MSANTD3: variants seen among roughly 807,000 people sequenced by gnomAD.
The protein encoded by MSANTD3 is myb/SANT-like DNA-binding domain-containing protein 3.
MSANTD3 carries 11 observed loss-of-function variants against 27.7 expected under a neutral mutation model. The ratio of observed to expected loss-of-function variants is 0.40; its 90% CI spans 0.25 to 0.66. The LOEUF is 0.66. Among genes scored for constraint, MSANTD3 ranks in the 30% least tolerant of loss-of-function variants. MSANTD3 has a pLI of 0.41. For missense variants in MSANTD3, 250 were observed against 336.5 expected (o/e 0.74, Z 2.01); for synonymous variants, 131 against 127.2 (o/e 1.03, Z -0.20).
Position 100,450,983 on chromosome 9 carries a change from C to G in MSANTD3, c.*17C>G, listed in dbSNP as rs200196899. On this transcript the variant is annotated 3_prime_UTR_variant, in exon 3 of 3. Transcript: ENST00000395067. ...TCGCCCTAAGACTTTGGGGGTGGCT[C>G]TCTTGTAATTAATCTGTGTTGGCAA... 3.2e-6 allele frequency: 5 copies of G among 1,549,674 alleles called. No individual in the cohort carries two copies. Among genetic ancestry groups the G allele is most frequent in the Non-Finnish European group, 4.3e-6 (5 of 1,154,082 alleles).
rs1300775531 is a variant in MSANTD3, at chr9:100,427,273, C to T, written c.-154C>T. ...GCGCGCCGCCGCCGCCGCCGCCGCC[C>T]GGCGTTCGGGAGCCCGCGGCCCTCC... is the stretch of plus-strand genomic sequence containing the variant. On this transcript the variant is annotated 5_prime_UTR_variant, in exon 1 of 3. Coordinates refer to ENST00000395067, the MANE Select transcript of MSANTD3 (RefSeq NM_080655.3). 4.1e-5 allele frequency: 6 copies of T among 145,494 alleles called. No individual in the cohort carries two copies. Among genetic ancestry groups the T allele is most frequent in the African/African-American group, 1.5e-4 (6 of 40,592 alleles). The allele number at this position is 145,494 out of a possible 1,614,324, so 9.0% of individuals were successfully genotyped here.
intron 1 of MSANTD3, among the ~76,000 whole-genome samples, chr9:100,441,093 G>A (rs544503862): frequency 3.3e-5 from 5 of 150,920 alleles, no homozygotes; most frequent in South Asian, 2.1e-4. Context: ...ACGCCACCAC[G>A]CCCAGCTAAT....
rs61050375 is a variant in MSANTD3 at position 100,428,392 on chromosome 9, CAT to C, written c.-34+1001_-34+1002del. On this transcript the variant is annotated intron_variant, in intron 1 of 2. Coordinates refer to ENST00000395067, the MANE Select transcript of MSANTD3 (RefSeq NM_080655.3). ...AAATTGCTGAATATTAATTAAAAAA[CAT>C]AGTTTCTGAGTTAGGATTGAGGATG... Among the ~76,000 whole-genome samples, 994 of 152,216 alleles carry C rather than the reference CAT, an allele frequency of 6.5e-3. 9 individuals are homozygous for C. The highest frequency in any genetic ancestry group is 0.023 in the African/African-American group (957 of 41,520).
chr9:100,442,237 T>A lies in MSANTD3; in HGVS notation c.299T>A (p.Leu100His), dbSNP rs756424124. Residue 100 changes from leucine to histidine, a missense_variant, in exon 2 of 3, where the codon CTC (leucine) becomes CAC (histidine). Transcript: ENST00000395067. Reference sequence around the variant, plus strand: ...AAAGTGAAACGGAGCGTCAGCCCTCTCCTGAGTACCCACGTCCTAGGGAAG... The same window carrying A: ...AAAGTGAAACGGAGCGTCAGCCCTCACCTGAGTACCCACGTCCTAGGGAAG... Reference protein sequence around the residue: ...REKVKRSVSPLLSTHVLGKEK... With the variant: ...REKVKRSVSPHLSTHVLGKEK... The A allele has an allele frequency of 1.2e-6, 2 of 1,614,000 alleles. No homozygotes were observed. The highest frequency in any genetic ancestry group is 1.7e-6 in the Non-Finnish European group (2 of 1,180,042).
intron 2 of MSANTD3, chr9:100,444,937 G>A (rs1197629794): frequency 2.3e-6 from 1 of 433,036 alleles, no homozygotes; most frequent in Non-Finnish European, 4.1e-6. Context: ...TTGGATGTTT[G>A]TACATAGATG....
At chr9:100,448,390 CA>C (rs897791009) in intron 2 of MSANTD3, 11 of 984,974 alleles carry the variant, frequency 1.1e-5, no homozygotes, top group Non-Finnish European at 1.2e-5. Flanking sequence ...TTTTCAGATC[CA>C]AAACTAGAAA....
At chr9:100,433,984 T>C (rs979223134) in intron 1 of MSANTD3, among the ~76,000 whole-genome samples, 1 of 152,200 alleles carries the variant, frequency 6.6e-6, no homozygotes, top group African/African-American at 2.4e-5. Flanking sequence ...TAGGCTCATC[T>C]CTGTCACTGT....
chr9:100,443,922 A>G (rs1836691853), intron 2 of MSANTD3, among the ~76,000 whole-genome samples: 1 of 152,242 alleles, frequency 6.6e-6, no homozygotes, highest in Non-Finnish European at 1.5e-5. Flanking sequence ...CTTCCCCAGG[A>G]AAATCTGGTT....
At chr9:100,448,230 A>G (rs1219944047) in intron 2 of MSANTD3, 1 of 983,926 alleles carries the variant, frequency 1.0e-6, no homozygotes, top group Non-Finnish European at 1.2e-6. Flanking sequence ...AGAAGAAATT[A>G]AAGAAATTGG....
At chr9:100,430,438 A>G (rs537530314) in intron 1 of MSANTD3, among the ~76,000 whole-genome samples, 1 of 152,166 alleles carries the variant, frequency 6.6e-6, no homozygotes, top group South Asian at 2.1e-4. Flanking sequence ...TTGAAAATAC[A>G]TGGAGAGAAT....
At chr9:100,447,107 C>T (rs1200583513) in intron 2 of MSANTD3, among the ~76,000 whole-genome samples, 1 of 152,044 alleles carries the variant, frequency 6.6e-6, no homozygotes, top group Non-Finnish European at 1.5e-5. Context: ...TTGGGATTTC[C>T]TACCCTTTTT....
At chr9:100,434,374 A>T (rs1334046723) in intron 1 of MSANTD3, among the ~76,000 whole-genome samples, 1 of 152,172 alleles carries the variant, frequency 6.6e-6, no homozygotes, top group Non-Finnish European at 1.5e-5. Flanking sequence ...TTCTAAAAGT[A>T]CAAAAATCAG....
chr9:100,433,939 C>G (rs1836422964), intron 1 of MSANTD3, among the ~76,000 whole-genome samples: 2 of 152,146 alleles, frequency 1.3e-5, no homozygotes, highest in Admixed American at 1.3e-4. Context: ...GTTAAGGTTC[C>G]TGTTCTAGAT....
At chr9:100,435,137 C>T (rs559745255) in intron 1 of MSANTD3, among the ~76,000 whole-genome samples, 25 of 152,186 alleles carry the variant, frequency 1.6e-4, no homozygotes, top group South Asian at 1.0e-3. Flanking sequence ...GAGGCAGGGC[C>T]GGGATAGCGG....
chr9:100,439,969 A>G lies in MSANTD3; in HGVS notation c.-33-1937A>G, dbSNP rs117971581. Among the ~76,000 whole-genome samples the G allele has an allele frequency of 6.2e-4, 94 of 152,254 alleles. No individual in the cohort carries two copies. In the East Asian group the frequency reaches 0.016, roughly 26 times the overall value. On this transcript the variant is annotated intron_variant, in intron 1 of 2. Coordinates refer to ENST00000395067, the MANE Select transcript of MSANTD3 (RefSeq NM_080655.3). ...GCCCTTCCCAACTAGGGGAACGATA[A>G]TGCTTACTTTATTGCCGCAGTCAGT... is the stretch of plus-strand genomic sequence containing the variant.
chr9:100,436,359 T>C (rs920309327), intron 1 of MSANTD3, among the ~76,000 whole-genome samples: 56 of 152,214 alleles, frequency 3.7e-4, no homozygotes, highest in Non-Finnish European at 7.3e-5. Context: ...GCTGTGTGCA[T>C]GGTGGGCTGT....
intron 1 of MSANTD3, among the ~76,000 whole-genome samples, chr9:100,437,918 C>G (rs746354652): frequency 6.6e-6 from 1 of 152,074 alleles, no homozygotes; most frequent in Non-Finnish European, 1.5e-5. Context: ...ATTTGTTACG[C>G]CTACAGTAAG....
chr9:100,438,062 C>G (rs889686700), intron 1 of MSANTD3, among the ~76,000 whole-genome samples: 3 of 152,148 alleles, frequency 2.0e-5, no homozygotes, highest in Non-Finnish European at 2.9e-5. Flanking sequence ...CTAGTGGCAG[C>G]TAGAGGTACT....
chr9:100,430,746 T>C (rs867801893), intron 1 of MSANTD3, among the ~76,000 whole-genome samples: 1 of 152,194 alleles, frequency 6.6e-6, no homozygotes, highest in African/African-American at 2.4e-5. Context: ...ATTAGTTGCA[T>C]GTGATTGAAG....
Sources: gnomAD v4.1 joint callset for allele counts (sites outside exome capture counted in the v4.1 genomes callset) on GRCh38, gnomAD v4.1.1 for gene constraint, MANE v1.5 for transcripts, NCBI Gene and HGNC (gene_info 2026-07-23, HGNC 2026-07-21) for gene names.